CNTN5: variants seen among roughly 807,000 people sequenced by gnomAD.
CNTN5 encodes the protein contactin-5.
In CNTN5, 77 loss-of-function variants were observed where a neutral mutation model predicts 129.1. The observed-to-expected ratio is 0.60, with a 90% CI of 0.50 to 0.72. The LOEUF is 0.72. Ranked by LOEUF, CNTN5 falls within the 30% of genes least tolerant of loss-of-function variation. The pLI, the probability that CNTN5 is intolerant of heterozygous loss-of-function variation, is 0.00. For missense variants in CNTN5, 1,478 were observed against 1,328.8 expected (o/e 1.11, Z -1.75); for synonymous variants, 509 against 465.6 (o/e 1.09, Z -1.20).
chr11:99,027,615 T>C (rs1006223095), intron 1 of CNTN5, among the ~76,000 whole-genome samples: 1 of 151,702 alleles, frequency 6.6e-6, no homozygotes, highest in Non-Finnish European at 1.5e-5. Context: ...ATTTTAATAA[T>C]GTCATATAAA....
At chr11:99,295,179 C>T (rs1453239003) in intron 1 of CNTN5, among the ~76,000 whole-genome samples, 4 of 152,076 alleles carry the variant, frequency 2.6e-5, no homozygotes, top group African/African-American at 7.2e-5. Flanking sequence ...TCCAGGATTC[C>T]CATAAACCGA....
intron 21 of CNTN5, among the ~76,000 whole-genome samples, chr11:100,320,076 T>A (rs1951657481): frequency 6.6e-6 from 1 of 152,182 alleles, no homozygotes; most frequent in African/African-American, 2.4e-5. Flanking sequence ...ATATACCAAG[T>A]AGTGAGATTG....
At chr11:99,804,001 C>CT (rs1433453144) in intron 3 of CNTN5, among the ~76,000 whole-genome samples, 6 of 152,102 alleles carry the variant, frequency 3.9e-5, no homozygotes, top group Non-Finnish European at 8.8e-5. Flanking sequence ...TGAGTAAACT[C>CT]TTAGTGGGGT....
chr11:99,046,227 C>A (rs1386046111), intron 1 of CNTN5, among the ~76,000 whole-genome samples: 1 of 152,034 alleles, frequency 6.6e-6, no homozygotes, highest in African/African-American at 2.4e-5. Context: ...GTAATCCCAG[C>A]TACTTGGGAG....
intron 3 of CNTN5, among the ~76,000 whole-genome samples, chr11:99,701,819 T>A (rs1211928703): frequency 6.6e-6 from 1 of 151,118 alleles, no homozygotes; most frequent in African/African-American, 2.4e-5. Flanking sequence ...AGATGATTCA[T>A]AGATTCTGCT....
In CNTN5 at chr11:99,819,851, A is replaced by C. The variant is rs997658788; in HGVS notation, c.277+86A>C. On this transcript the variant is annotated intron_variant, in intron 4 of 24. Transcript: ENST00000524871. ...TACTGTTGCAACAGAGATCAAGACT[A>C]TTCCAGTAGGAGAGAGTGATTGAAC... 39 of 870,738 alleles carry C rather than the reference A, an allele frequency of 4.5e-5. 1 individual carries two copies. In the South Asian group the frequency reaches 5.7e-4, roughly 13 times the overall value. The allele number at this position is 870,738 out of a possible 1,614,324, so 53.9% of individuals were successfully genotyped here. A position where few individuals can be genotyped will look rare whatever the true frequency, so the allele number is the denominator to read the frequency against.
At chr11:99,267,882 T>TCG in intron 1 of CNTN5, among the ~76,000 whole-genome samples, 1 of 149,788 alleles carries the variant, frequency 6.7e-6, no homozygotes. Flanking sequence ...CCTTGTGCTC[T>TCG]CTCTCTCTTT....
intron 16 of CNTN5, among the ~76,000 whole-genome samples, chr11:100,234,313 T>C (rs996956704): frequency 2.0e-5 from 3 of 152,180 alleles, no homozygotes; most frequent in Admixed American, 2.0e-4. Flanking sequence ...CAAAGGATTA[T>C]AAATCATTCT....
At chr11:100,009,835 A>G (rs965595239) in intron 9 of CNTN5, among the ~76,000 whole-genome samples, 1 of 152,186 alleles carries the variant, frequency 6.6e-6, no homozygotes, top group African/African-American at 2.4e-5. Context: ...CCATCCACAC[A>G]TTCTCAGGCT....
chr11:99,167,216 T>A (rs1860915606), intron 1 of CNTN5, among the ~76,000 whole-genome samples: 1 of 152,168 alleles, frequency 6.6e-6, no homozygotes, highest in African/African-American at 2.4e-5. Context: ...TCTGTGGTTC[T>A]GCTGTTTCTA....
intron 3 of CNTN5, among the ~76,000 whole-genome samples, chr11:99,727,312 C>CAAAAAAAAAAAAAAAAAAAAAAAAAAAA (rs397936738): frequency 2.5e-4 from 6 of 24,290 alleles, no homozygotes; most frequent in East Asian, 3.8e-3. Flanking sequence ...GACTCCGTCT[C>CAAAAAAAAAAAAAAAAAAAAAAAAAAAA]AAAAAAAAAA....
At chr11:99,353,859 T>C (rs982218939) in intron 2 of CNTN5, among the ~76,000 whole-genome samples, 1 of 152,218 alleles carries the variant, frequency 6.6e-6, no homozygotes, top group Non-Finnish European at 1.5e-5. Context: ...TTGACATTTG[T>C]CCATACAGTG....
At chr11:100,261,549 A>T (rs1001725239) in intron 17 of CNTN5, among the ~76,000 whole-genome samples, 1 of 152,198 alleles carries the variant, frequency 6.6e-6, no homozygotes, top group Non-Finnish European at 1.5e-5. Context: ...CTCAAATTCT[A>T]CTATAAGGCT....
At chr11:99,213,090 T>C (rs1395994121) in intron 1 of CNTN5, among the ~76,000 whole-genome samples, 5 of 151,312 alleles carry the variant, frequency 3.3e-5, no homozygotes, top group African/African-American at 1.2e-4. Context: ...ACTTGGGAAG[T>C]TGAGGCAGGA....
intron 15 of CNTN5, among the ~76,000 whole-genome samples, chr11:100,210,251 CA>C (rs1166903285): frequency 1.4e-5 from 2 of 145,210 alleles, no homozygotes; most frequent in Admixed American, 7.1e-5. Context: ...ACAAGGGAGA[CA>C]GGTGGGAGGA....
intron 13 of CNTN5, among the ~76,000 whole-genome samples, chr11:100,123,476 G>A (rs1565262790): frequency 6.6e-6 from 1 of 151,920 alleles, no homozygotes; most frequent in Admixed American, 6.6e-5. Context: ...TAAACCTTTT[G>A]ATGTCATTTA....
intron 3 of CNTN5, among the ~76,000 whole-genome samples, chr11:99,573,636 A>T (rs185741887): frequency 1.3e-5 from 2 of 151,158 alleles, no homozygotes; most frequent in Admixed American, 6.6e-5. Context: ...CCAGGAATGA[A>T]TTTTTTTCTA....
At chr11:100,182,139 A>G (rs967022398) in intron 13 of CNTN5, among the ~76,000 whole-genome samples, 1 of 152,144 alleles carries the variant, frequency 6.6e-6, no homozygotes, top group Non-Finnish European at 1.5e-5. Context: ...CAGAGAATCA[A>G]GAATTTGACC....
chr11:99,063,533 TAAATAAATAAATAAATAA>T (rs1167105443), intron 1 of CNTN5, among the ~76,000 whole-genome samples: 2 of 137,076 alleles, frequency 1.5e-5, no homozygotes, highest in African/African-American at 6.5e-5. Flanking sequence ...AATAAATAAA[TAAATAAATAAATAAATAA>T]ACGCATGAGC....
Sources: allele counts gnomAD v4.1 joint callset (sites outside exome capture counted in the v4.1 genomes callset), GRCh38; gene constraint gnomAD v4.1.1; transcripts MANE v1.5; gene names NCBI Gene and HGNC (gene_info 2026-07-23, HGNC 2026-07-21).